The following ARHGAP26 variants were observed in gnomAD, a reference collection of about 807,000 sequenced individuals.
The protein encoded by ARHGAP26 is rho GTPase-activating protein 26.
In ARHGAP26, 38 loss-of-function variants were observed where a neutral mutation model predicts 104.8. The ratio of observed to expected loss-of-function variants is 0.36; its 90% CI spans 0.28 to 0.48. The LOEUF (loss-of-function observed/expected upper bound fraction) is 0.48. Among genes scored for constraint, ARHGAP26 ranks in the 20% least tolerant of loss-of-function variants. The pLI, the probability that ARHGAP26 is intolerant of heterozygous loss-of-function variation, is 0.99. For synonymous variants in ARHGAP26, 341 were observed against 340.0 expected, an observed-to-expected ratio of 1.00 and a Z score of -0.03; for missense variants, 704 against 947.9, an observed-to-expected ratio of 0.74 and a Z score of 3.38.
intron 20 of ARHGAP26, among the ~76,000 whole-genome samples, chr5:143,176,751 A>G (rs1243174522): frequency 2.0e-5 from 3 of 152,208 alleles, no homozygotes; most frequent in East Asian, 3.8e-4. Flanking sequence ...GCAGAGGTCT[A>G]CATTTGGCAT....
intron 14 of ARHGAP26, among the ~76,000 whole-genome samples, chr5:143,047,402 G>A (rs1340495178): frequency 2.0e-5 from 3 of 152,320 alleles, no homozygotes; most frequent in South Asian, 2.1e-4. Flanking sequence ...ATGCTTGTGG[G>A]TTGCTGAGTC....
Position 143,041,573 on chromosome 5 carries a change from C to T in ARHGAP26, c.1211-243C>T, listed in dbSNP as rs534312741. 172 of 391,944 alleles carry T rather than the reference C, an allele frequency of 4.4e-4. 1 individual carries two copies. The highest frequency in any genetic ancestry group is 3.0e-3 in the African/African-American group (150 of 49,890). The allele number at this position is 391,944 out of a possible 1,614,324, so 24.3% of individuals were successfully genotyped here. On this transcript the variant is annotated intron_variant, in intron 13 of 22. Transcript: ENST00000645722. ...CAAGAGAAAGGAAAGCTTCTTTCGCCGCTGATGACTGAACTAACATGAGGG... is the reference window on the plus strand; with the variant it reads ...CAAGAGAAAGGAAAGCTTCTTTCGCTGCTGATGACTGAACTAACATGAGGG...
chr5:143,187,859 T>A (rs1805369397), intron 20 of ARHGAP26, among the ~76,000 whole-genome samples: 2 of 152,240 alleles, frequency 1.3e-5, no homozygotes, highest in African/African-American at 4.8e-5. Flanking sequence ...TTCGTGTTGT[T>A]GCTATGTCTT....
chr5:143,089,714 T>C (rs562144475), intron 17 of ARHGAP26, among the ~76,000 whole-genome samples: 7 of 152,360 alleles, frequency 4.6e-5, no homozygotes, highest in Admixed American at 2.0e-4. Flanking sequence ...TCTACATTTT[T>C]ATTAATTTTC....
intron 1 of ARHGAP26, among the ~76,000 whole-genome samples, chr5:142,799,259 G>T (rs1761589369): frequency 6.6e-6 from 1 of 151,952 alleles, no homozygotes; most frequent in Admixed American, 6.6e-5. Flanking sequence ...CTGCATTTTG[G>T]TTCTTTCTTA....
chr5:142,875,060 C>T, intron 2 of ARHGAP26, 50 bp from the exon 3 acceptor site: 4 of 1,532,470 alleles, frequency 2.6e-6, no homozygotes, highest in Non-Finnish European at 3.6e-6. Context: ...GAAAGGCTCC[C>T]CAAGGCCCAT....
At chr5:142,848,327 G>C (rs959900549) in intron 1 of ARHGAP26, among the ~76,000 whole-genome samples, 1 of 152,154 alleles carries the variant, frequency 6.6e-6, no homozygotes, top group Non-Finnish European at 1.5e-5. Context: ...TACAGGACTG[G>C]GTGGCCATCA....
At chr5:143,153,002 C>T (rs1031372240) in intron 20 of ARHGAP26, among the ~76,000 whole-genome samples, 1 of 152,132 alleles carries the variant, frequency 6.6e-6, no homozygotes, top group Admixed American at 6.5e-5. Flanking sequence ...TAAACTGACA[C>T]AAGTCCTGTG....
At chr5:143,212,962 G>A (rs1453505473) in intron 21 of ARHGAP26, among the ~76,000 whole-genome samples, 2 of 152,116 alleles carry the variant, frequency 1.3e-5, no homozygotes, top group South Asian at 2.1e-4. Context: ...TGGCTAACAC[G>A]GTGAAACCCT....
intron 3 of ARHGAP26, among the ~76,000 whole-genome samples, chr5:142,877,162 C>A (rs1756246453): frequency 6.6e-6 from 1 of 152,126 alleles, no homozygotes; most frequent in Non-Finnish European, 1.5e-5. Context: ...TTATTAATGT[C>A]AGTGAATTGA....
intron 16 of ARHGAP26, 35 bp downstream of exon 16, chr5:143,056,121 G>T (rs775595904): frequency 5.1e-6 from 8 of 1,565,026 alleles, no homozygotes; most frequent in Admixed American, 5.0e-5. Context: ...AAGGGGAAGA[G>T]AATAGATTTT....
intron 11 of ARHGAP26, among the ~76,000 whole-genome samples, chr5:143,003,968 C>G (rs245846): frequency 0.95 from 141,727 of 149,756 alleles, 67,221 homozygotes; most frequent in Non-Finnish European, 0.99. Context: ...AATCACCACA[C>G]ATTCAGAGAG....
Position 143,228,509 on chromosome 5 carries a change from A to G in ARHGAP26, c.*6063A>G, listed in dbSNP as rs1181869707. ...ACTTACTTAAAGTCATGTCGCAAGA[A>G]AGATCAAACCCATGAATGCTTAGTA... is the stretch of plus-strand genomic sequence containing the variant. On this transcript the variant is annotated 3_prime_UTR_variant, in exon 23 of 23. Transcript: ENST00000645722. The G allele has an allele frequency of 9.1e-6, 2 of 220,652 alleles. No individual in the cohort carries two copies. Among genetic ancestry groups the G allele is most frequent in the Non-Finnish European group, 1.8e-5 (2 of 109,954 alleles). The allele number at this position is 220,652 out of a possible 1,614,324, so 13.7% of individuals were successfully genotyped here.
chr5:143,115,215 C>G (rs972458644), intron 17 of ARHGAP26, among the ~76,000 whole-genome samples: 3 of 151,884 alleles, frequency 2.0e-5, no homozygotes, highest in African/African-American at 7.3e-5. Flanking sequence ...CACCTGTAAT[C>G]CCAGCTACTC....
chr5:143,149,438 G>A (rs1480470418), intron 20 of ARHGAP26, among the ~76,000 whole-genome samples: 1 of 152,114 alleles, frequency 6.6e-6, no homozygotes, highest in African/African-American at 2.4e-5. Flanking sequence ...TCCCCCATAA[G>A]CTCTGCAGGC....
At chr5:143,126,192 G>A (rs1227042115) in intron 18 of ARHGAP26, among the ~76,000 whole-genome samples, 1 of 152,154 alleles carries the variant, frequency 6.6e-6, no homozygotes, top group Non-Finnish European at 1.5e-5. Context: ...ACAGATCAAT[G>A]GAAGTTTTCT....
At chr5:143,125,178 G>A (rs141303121) in intron 18 of ARHGAP26, among the ~76,000 whole-genome samples, 79 of 152,232 alleles carry the variant, frequency 5.2e-4, no homozygotes, top group Admixed American at 4.0e-3. Flanking sequence ...TTCAATAGAA[G>A]GTAAGAGACC....
At chr5:143,213,662 C>T (rs993016364) in intron 21 of ARHGAP26, among the ~76,000 whole-genome samples, 1 of 152,204 alleles carries the variant, frequency 6.6e-6, no homozygotes, top group Non-Finnish European at 1.5e-5. Context: ...CCCTCCCTTC[C>T]CCCAAGGCAC....
At chr5:143,025,751 A>C (rs1381042529) in intron 12 of ARHGAP26, among the ~76,000 whole-genome samples, 1 of 152,236 alleles carries the variant, frequency 6.6e-6, no homozygotes, top group Non-Finnish European at 1.5e-5. Flanking sequence ...TATAGTCCTC[A>C]GCCTGTGCTG....
Sources: allele counts gnomAD v4.1 joint callset (sites outside exome capture counted in the v4.1 genomes callset), GRCh38; gene constraint gnomAD v4.1.1; transcripts MANE v1.5; gene names NCBI Gene and HGNC (gene_info 2026-07-23, HGNC 2026-07-21).